Variants in NCOR2 observed in about 807,000 individuals in gnomAD.
NCOR2 encodes the protein nuclear receptor corepressor 2, also known as CTG repeat protein 26.
A neutral mutation model predicts 262.9 loss-of-function variants in NCOR2; 81 were observed. That is an observed-to-expected ratio of 0.31 (90% CI 0.26 to 0.37). The LOEUF is 0.37. Among genes scored for constraint, NCOR2 ranks in the 10% least tolerant of loss-of-function variants. The pLI is 1.00. For synonymous variants in NCOR2, 1,659 were observed against 1,559.3 expected (o/e 1.06, Z -1.51); for missense variants, 3,385 against 3,621.4 (o/e 0.93, Z 1.68).
Position 124,333,917 on chromosome 12 carries a change from T to TGCGC in NCOR2, c.6605+506_6605+507insGCGC, listed in dbSNP as rs2035578794. 1.2e-4 allele frequency among the ~76,000 whole-genome samples: 11 copies of TGCGC among 89,952 alleles called. No homozygotes were observed. The South Asian group carries it at 5.0e-3, about 41-fold the overall frequency. 59.0% of individuals were successfully genotyped at this position (89,952 alleles called of 152,430 possible). ...GTGTGCGCGCGCATGTGTGCGGGTG[T>TGCGC]GCATGTGTGTGCGCGCGCATGTGTG... On this transcript the variant is annotated intron_variant, in intron 41 of 46. Coordinates refer to ENST00000405201, the Ensembl canonical transcript of NCOR2.
rs202192439 is a variant in NCOR2 at position 124,354,823 on chromosome 12, G to A, written c.3484+14C>T. The A allele has an allele frequency of 7.4e-6, 12 of 1,610,826 alleles. No individual in the cohort carries two copies. The highest frequency in any genetic ancestry group is 1.0e-5 in the Non-Finnish European group (12 of 1,178,126). On this transcript the variant is annotated intron_variant, in intron 25 of 46. Transcript: ENST00000405201. ...CAGCCTGAGCCACCCAGACGGATGG[G>A]CCAGGAGCCTTACCCAGCTTTTTGG...
At chr12:124,363,288 A>C (rs1189362163) in intron 21 of NCOR2, among the ~76,000 whole-genome samples, 1 of 152,226 alleles carries the variant, frequency 6.6e-6, no homozygotes, top group Non-Finnish European at 1.5e-5. Flanking sequence ...CCCAGCTGAG[A>C]GAACCTTCCA....
intron 18 of NCOR2, among the ~76,000 whole-genome samples, chr12:124,377,861 A>C (rs4765560): frequency 0.018 from 2,749 of 151,730 alleles, 90 homozygotes; most frequent in African/African-American, 0.064. Flanking sequence ...ACAAAAAAAA[A>C]CTTTTCCAAA....
chr12:124,332,185 G>C, intron 43 of NCOR2, 134 bp downstream of exon 45: 1 of 1,086,504 alleles, frequency 9.2e-7, no homozygotes, highest in Non-Finnish European at 1.3e-6. Context: ...GGCCTGGGGG[G>C]AGGTGGTCAG....
exon 37 of NCOR2, chr12:124,340,154 G>T: frequency 6.3e-7 from 1 of 1,582,264 alleles, no homozygotes; most frequent in Non-Finnish European, 8.5e-7. Flanking sequence ...GAGGCGGGGC[G>T]GCTGCTGCTG....
rs1249326881 is a variant in NCOR2, at chr12:124,503,146, T to A, written c.-117-7778A>T. On this transcript the variant is annotated intron_variant, in intron 1 of 46. Transcript: ENST00000404621. The surrounding 1 kb of genome is among the most constrained non-coding windows in gnomAD (Gnocchi z 4.3). ...AAGCCAAACCCATCCCAAACTCCGG[T>A]TGCTGACCCATTCTCATCAATTAGA... is the stretch of plus-strand genomic sequence containing the variant. Among the ~76,000 whole-genome samples the A allele has an allele frequency of 6.6e-6, 1 of 152,242 alleles. No homozygotes were observed. Among genetic ancestry groups the A allele is most frequent in the Non-Finnish European group, 1.5e-5 (1 of 68,038 alleles).
At chr12:124,327,367 G>C (rs750241592) in intron 45 of NCOR2, 42 bp downstream of exon 47, 2 of 1,456,960 alleles carry the variant, frequency 1.4e-6, no homozygotes, top group African/African-American at 1.4e-5. Flanking sequence ...ATCACACCGG[G>C]GGTGGGGACA....
rs1258171094 is a variant in NCOR2, at chr12:124,481,556, C to CG, written c.411+2039dup. 6.6e-6 allele frequency among the ~76,000 whole-genome samples: 1 copy of CG among 152,142 alleles called. No homozygotes were observed. Among genetic ancestry groups the CG allele is most frequent in the Non-Finnish European group, 1.5e-5 (1 of 68,014 alleles). ...ATGTGCCTGGGGGAGGGCGCTCCTG[C>CG]GGAGGGCACAGCCGGTGCAAAGGTC... On this transcript the variant is annotated intron_variant, in intron 3 of 46. Coordinates refer to ENST00000405201, the Ensembl canonical transcript of NCOR2. The surrounding 1 kb of genome is among the most constrained non-coding windows in gnomAD (Gnocchi z 4.6).
chr12:124,331,642 G>C (rs2035209231), intron 43 of NCOR2: 1 of 153,872 alleles, frequency 6.5e-6, no homozygotes. Flanking sequence ...ATGGGGTCTT[G>C]CTATGTTGCA....
chr12:124,333,349 C>G, intron 41 of NCOR2, 70 bp from the exon 44 acceptor site: 1 of 1,346,936 alleles, frequency 7.4e-7, no homozygotes, highest in Non-Finnish European at 9.6e-7. Flanking sequence ...TCCCTCCACT[C>G]TAAACCAGGG....
chr12:124,372,454 G>A, exon 20 of NCOR2: 4 of 1,538,320 alleles, frequency 2.6e-6, no homozygotes, highest in Non-Finnish European at 3.5e-6. Context: ...CTCAGTGGGG[G>A]CCGGGATGTC....
chr12:124,484,178 C>T (rs2047655131), intron 2 of NCOR2, among the ~76,000 whole-genome samples: 1 of 152,208 alleles, frequency 6.6e-6, no homozygotes, highest in Non-Finnish European at 1.5e-5. Flanking sequence ...AGGCACAGTC[C>T]ATCCGGGAAA....
intron 14 of NCOR2, among the ~76,000 whole-genome samples, chr12:124,401,451 G>A (rs963244717): frequency 2.0e-5 from 3 of 152,236 alleles, no homozygotes; most frequent in African/African-American, 2.4e-5. Flanking sequence ...AAATGGGGGC[G>A]TGGGCTGGCA....
upstream of NCOR2, among the ~76,000 whole-genome samples, chr12:124,497,875 A>G (rs1178873711): frequency 2.0e-5 from 3 of 152,226 alleles, no homozygotes; most frequent in Non-Finnish European, 4.4e-5. This position sits in a 1 kb window ranked among gnomAD's most constrained non-coding sequence, Gnocchi z 4.2. Flanking sequence ...CCCAAGAGCA[A>G]TGAGACATCC....
chr12:124,352,900 G>C (rs1235738351), intron 27 of NCOR2, among the ~76,000 whole-genome samples: 2 of 152,224 alleles, frequency 1.3e-5, no homozygotes, highest in Non-Finnish European at 2.9e-5. Context: ...TGGAGGATCA[G>C]GGAGCTGGGA....
chr12:124,499,382 T>C (rs1363838899), upstream of NCOR2, among the ~76,000 whole-genome samples: 1 of 152,242 alleles, frequency 6.6e-6, no homozygotes, highest in African/African-American at 2.4e-5. Context: ...GGGCTAGTGC[T>C]GGGGACTTCT....
intron 1 of NCOR2, chr12:124,513,979 C>T (rs892485605): frequency 6.6e-6 from 1 of 152,260 alleles, no homozygotes; most frequent in African/African-American, 2.4e-5. Context: ...CCGTGGAAGA[C>T]ACTGAGTCAG....
chr12:124,333,756 G>C (rs1288680573), intron 41 of NCOR2, among the ~76,000 whole-genome samples: 1 of 151,994 alleles, frequency 6.6e-6, no homozygotes, highest in Non-Finnish European at 1.5e-5. Flanking sequence ...CGGTTCACCA[G>C]GGTGGGGGTG....
At chr12:124,479,289 T>G (rs1005043543) in intron 3 of NCOR2, among the ~76,000 whole-genome samples, 11 of 142,946 alleles carry the variant, frequency 7.7e-5, no homozygotes, top group African/African-American at 2.9e-4. Flanking sequence ...TATACACACA[T>G]GCACACTCAC....
Sources: gnomAD v4.1 joint callset for allele counts (sites outside exome capture counted in the v4.1 genomes callset) on GRCh38, gnomAD v4.1.1 for gene constraint, Gnocchi (gnomAD v3.1) non-coding constraint, MANE v1.5 for transcripts, NCBI Gene and HGNC (gene_info 2026-07-23, HGNC 2026-07-21) for gene names.